Variants in CBX5 observed in about 807,000 individuals in gnomAD.
CBX5 encodes chromobox 5.
Under a neutral mutation model 20.7 loss-of-function variants are expected in CBX5, and 7 were observed. That is an observed-to-expected ratio of 0.34 (90% CI 0.19 to 0.63). The LOEUF (loss-of-function observed/expected upper bound fraction) is 0.63. Ranked by LOEUF, CBX5 falls within the 30% of genes least tolerant of loss-of-function variation. The pLI, the probability that CBX5 is intolerant of heterozygous loss-of-function variation, is 0.75. For missense variants in CBX5, 110 were observed against 224.1 expected, an observed-to-expected ratio of 0.49 and a Z score of 3.25; for synonymous variants, 78 against 77.0, an observed-to-expected ratio of 1.01 and a Z score of -0.07.
rs1240432102 is a variant in CBX5, at chr12:54,241,898, T to C, written c.433A>G (p.Thr145Ala). The C allele has an allele frequency of 6.2e-7, 1 of 1,612,906 alleles. No homozygotes were observed. Among genetic ancestry groups the C allele is most frequent in the Non-Finnish European group, 8.5e-7 (1 of 1,179,838 alleles). Residue 145 changes from threonine (T) to alanine (A), a missense_variant, in exon 5 of 5, where the codon ACA becomes GCA. Transcript: ENST00000209875. ...DLMFLMKWKD[T>A]DEADLVLAKE... ...GCAAGAACCAGGTCAGCTTCATCTG[T>C]GTCTTTCCTGGAGAGAAAGAATATG...
intron 4 of CBX5, among the ~76,000 whole-genome samples, chr12:54,242,367 T>C (rs1029654052): frequency 6.6e-6 from 1 of 151,440 alleles, no homozygotes; most frequent in Non-Finnish European, 1.5e-5. Flanking sequence ...CTACTAAAAG[T>C]ACAAAAAATT....
intron 3 of CBX5, among the ~76,000 whole-genome samples, chr12:54,250,688 C>A (rs924912224): frequency 2.0e-5 from 3 of 148,556 alleles, no homozygotes; most frequent in Non-Finnish European, 4.5e-5. Flanking sequence ...GCCTGTAGTC[C>A]CAGCTACTCG....
chr12:54,263,166 A>G (rs906273032), intron 1 of CBX5, among the ~76,000 whole-genome samples: 14 of 151,804 alleles, frequency 9.2e-5, no homozygotes, highest in Non-Finnish European at 1.9e-4. Flanking sequence ...TTCCAGACCA[A>G]CCTGGCCAAC....
intron 1 of CBX5, among the ~76,000 whole-genome samples, chr12:54,260,550 A>G (rs1052900122): frequency 6.6e-6 from 1 of 152,110 alleles, no homozygotes; most frequent in African/African-American, 2.4e-5. Context: ...GCTTAAAAAA[A>G]AAAAAGAGGA....
intron 1 of CBX5, among the ~76,000 whole-genome samples, chr12:54,276,026 G>A (rs1174559581): frequency 6.7e-6 from 1 of 148,922 alleles, no homozygotes; most frequent in Non-Finnish European, 1.5e-5. Flanking sequence ...CACATTGGGA[G>A]ACATTTTGCA....
intron 4 of CBX5, among the ~76,000 whole-genome samples, chr12:54,242,789 T>G (rs975914183): frequency 2.0e-5 from 3 of 152,032 alleles, no homozygotes; most frequent in Non-Finnish European, 4.4e-5. Flanking sequence ...AGCTACATGG[T>G]TCCTTAAGCA....
intron 1 of CBX5, among the ~76,000 whole-genome samples, chr12:54,267,654 G>A (rs545703006): frequency 6.6e-6 from 1 of 152,146 alleles, no homozygotes; most frequent in Non-Finnish European, 1.5e-5. Context: ...TGGAACTACA[G>A]GCGCCCGCCA....
chr12:54,250,683 T>G (rs995892606), intron 3 of CBX5, among the ~76,000 whole-genome samples: 1 of 148,616 alleles, frequency 6.7e-6, no homozygotes, highest in Non-Finnish European at 1.5e-5. Flanking sequence ...CGGGCGCCTG[T>G]AGTCCCAGCT....
intron 1 of CBX5, among the ~76,000 whole-genome samples, chr12:54,263,465 C>T (rs939068726): frequency 1.3e-5 from 2 of 150,744 alleles, no homozygotes; most frequent in South Asian, 4.2e-4. Context: ...GCCGGCACAG[C>T]GGCTCTCGCC....
rs946556581 is a variant in CBX5 at position 54,235,478 on chromosome 12, G to T, written c.*6277C>A. On this transcript the variant is annotated 3_prime_UTR_variant, in exon 5 of 5. Transcript: ENST00000209875. ...AAATACAAAAAATTAGCCGGGCGTG[G>T]TGGCCGGCGCCTGTAGTCCCAGCTC... 4 of 152,356 alleles carry T rather than the reference G, an allele frequency of 2.6e-5. No individual in the cohort carries two copies. The highest frequency in any genetic ancestry group is 4.8e-5 in the African/African-American group (2 of 41,438). 9.4% of individuals were successfully genotyped at this position (152,356 alleles called of 1,614,324 possible).
At chr12:54,243,923 T>C (rs1943705427) in intron 4 of CBX5, among the ~76,000 whole-genome samples, 1 of 152,140 alleles carries the variant, frequency 6.6e-6, no homozygotes, top group South Asian at 2.1e-4. Flanking sequence ...TGACAGAATA[T>C]GGCAATTCTT....
intron 1 of CBX5, among the ~76,000 whole-genome samples, chr12:54,265,488 T>C (rs949073506): frequency 3.3e-5 from 5 of 152,168 alleles, no homozygotes; most frequent in Admixed American, 6.5e-5. Context: ...CAGGTTTTGT[T>C]AAATGGGCTG....
intron 1 of CBX5, chr12:54,277,239 T>G (rs1449147980): frequency 6.6e-6 from 1 of 152,186 alleles, no homozygotes; most frequent in Non-Finnish European, 1.5e-5. Flanking sequence ...ACTCTTGCTT[T>G]GTCGCCCAGG....
In CBX5 at chr12:54,239,135, G is replaced by C. The variant is rs1267754571; in HGVS notation, c.*2620C>G. 1 of 152,186 alleles carries C rather than the reference G, an allele frequency of 6.6e-6. No individual in the cohort carries two copies. Among genetic ancestry groups the C allele is most frequent in the East Asian group, 1.9e-4 (1 of 5,204 alleles). The allele number at this position is 152,186 out of a possible 1,614,324, so 9.4% of individuals were successfully genotyped here. On this transcript the variant is annotated 3_prime_UTR_variant, in exon 5 of 5. Coordinates refer to ENST00000209875, the MANE Select transcript of CBX5 (RefSeq NM_012117.3). ...GGTAGGCAGGAAGAGAACAAAAGTTGTTTTGGCGGCACTCAGTACAATAAA... is the reference window on the plus strand; with the variant it reads ...GGTAGGCAGGAAGAGAACAAAAGTTCTTTTGGCGGCACTCAGTACAATAAA...
chr12:54,244,879 G>A (rs1943718423), intron 4 of CBX5, among the ~76,000 whole-genome samples: 1 of 152,110 alleles, frequency 6.6e-6, no homozygotes, highest in Non-Finnish European at 1.5e-5. Flanking sequence ...TTATTCAGCA[G>A]GTTTGGCCCT....
chr12:54,273,488 T>C (rs995273778), intron 1 of CBX5: 18 of 152,160 alleles, frequency 1.2e-4, no homozygotes, highest in African/African-American at 4.3e-4. Context: ...CCTGCCACTT[T>C]AGGAATAAAA....
At chr12:54,256,828 G>T (rs1010584350) in intron 2 of CBX5, among the ~76,000 whole-genome samples, 1 of 152,138 alleles carries the variant, frequency 6.6e-6, no homozygotes, top group African/African-American at 2.4e-5. Context: ...CAAGGCAGGT[G>T]GCTCACTTGA....
rs1943590044 is a variant in CBX5 at position 54,233,531 on chromosome 12, G to C, written c.*8224C>G. 2 of 152,196 alleles carry C rather than the reference G, an allele frequency of 1.3e-5. No homozygotes were observed. Among genetic ancestry groups the C allele is most frequent in the South Asian group, 4.1e-4 (2 of 4,832 alleles). 9.4% of individuals were successfully genotyped at this position (152,196 alleles called of 1,614,324 possible). A position where few individuals can be genotyped will look rare whatever the true frequency, so the allele number is the denominator to read the frequency against. ...TTCAGGTGTTCTCAAAGAATTTCTA[G>C]GCAGAAAGCCTCTCCTTTCTTCCAT... is the stretch of plus-strand genomic sequence containing the variant. On this transcript the variant is annotated 3_prime_UTR_variant, in exon 5 of 5. Coordinates refer to ENST00000209875, the MANE Select transcript of CBX5 (RefSeq NM_012117.3).
chr12:54,245,512 C>T (rs956923670), intron 4 of CBX5, among the ~76,000 whole-genome samples: 4 of 152,022 alleles, frequency 2.6e-5, no homozygotes, highest in African/African-American at 9.7e-5. Context: ...CAAAAATGGG[C>T]CAGGCGCAGT....
Sources: gnomAD v4.1 joint callset for allele counts (sites outside exome capture counted in the v4.1 genomes callset) on GRCh38, gnomAD v4.1.1 for gene constraint, MANE v1.5 for transcripts, NCBI Gene and HGNC (gene_info 2026-07-23, HGNC 2026-07-21) for gene names.